Variants in KIAA1217 observed in about 807,000 individuals in gnomAD.
The protein encoded by KIAA1217 is KIAA1217.
KIAA1217 carries 88 observed loss-of-function variants against 163.9 expected under a neutral mutation model. That is an observed-to-expected ratio of 0.54 (90% confidence interval 0.45 to 0.64). The LOEUF (loss-of-function observed/expected upper bound fraction) is 0.64, where lower values mean the gene tolerates loss of function less well. Among genes scored for constraint, KIAA1217 ranks in the 30% least tolerant of loss-of-function variants. KIAA1217 has a pLI of 0.00. For missense variants in KIAA1217, 2,372 were observed against 2,475.0 expected (o/e 0.96, Z 0.88); for synonymous variants, 903 against 923.1 (o/e 0.98, Z 0.39).
chr10:23,800,381 C>T (rs1836413498), intron 1 of KIAA1217, among the ~76,000 whole-genome samples: 1 of 151,950 alleles, frequency 6.6e-6, no homozygotes, highest in African/African-American at 2.4e-5. Context: ...GGTTTAACAC[C>T]ATGAAATGTA....
chr10:23,834,487 G>A (rs770059761), intron 1 of KIAA1217, among the ~76,000 whole-genome samples: 4 of 152,060 alleles, frequency 2.6e-5, no homozygotes, highest in African/African-American at 4.8e-5. Flanking sequence ...CTTCCCTCAT[G>A]AGCTGACATT....
At chr10:24,236,952 C>T (rs879890581) in intron 2 of KIAA1217, among the ~76,000 whole-genome samples, 1 of 152,186 alleles carries the variant, frequency 6.6e-6, no homozygotes, top group African/African-American at 2.4e-5. Flanking sequence ...GCTCCTGGCC[C>T]GTTTTCTACC....
Position 24,028,926 on chromosome 10 carries a change from A to G in KIAA1217, c.-171+21552A>G, listed in dbSNP as rs982887886. ...CCTAAAAAAATTCTGAGTTATAAATATCCCTGGACAATTCTTTCCAGAAAG... is the reference window on the plus strand; with the variant it reads ...CCTAAAAAAATTCTGAGTTATAAATGTCCCTGGACAATTCTTTCCAGAAAG... On this transcript the variant is annotated intron_variant, in intron 2 of 18. Transcript: ENST00000376462. 2.6e-5 allele frequency among the ~76,000 whole-genome samples: 4 copies of G among 152,290 alleles called. 1 individual carries two copies. The highest frequency in any genetic ancestry group is 2.4e-5 in the African/African-American group (1 of 41,570).
chr10:24,269,210 TAAAAAAAAAA>T (rs59746609), intron 2 of KIAA1217, among the ~76,000 whole-genome samples: 2 of 87,080 alleles, frequency 2.3e-5, no homozygotes, highest in Non-Finnish European at 2.4e-5. Flanking sequence ...AAAGTATAAT[TAAAAAAAAAA>T]AAAAAAAAAA....
chr10:24,209,073 G>C (rs2067741612), upstream of KIAA1217: 9 of 733,450 alleles, frequency 1.2e-5, no homozygotes, highest in Non-Finnish European at 1.9e-5. Flanking sequence ...GTTTGGGGTG[G>C]GGTTTCGCAC....
At chr10:24,380,802 T>C in intron 2 of KIAA1217, 67 bp from the exon 3 acceptor site, 1 of 1,181,226 alleles carries the variant, frequency 8.5e-7, no homozygotes, top group Non-Finnish European at 1.2e-6. Flanking sequence ...AGAAATGGCA[T>C]TGGACATATT....
chr10:23,915,222 G>C (rs1427957949), intron 1 of KIAA1217, among the ~76,000 whole-genome samples: 5 of 152,062 alleles, frequency 3.3e-5, no homozygotes, highest in African/African-American at 1.2e-4. Flanking sequence ...AGGTCATGTA[G>C]CTAAGAAAAA....
At chr10:24,385,005 G>T (rs1209794830) in intron 3 of KIAA1217, among the ~76,000 whole-genome samples, 1 of 152,192 alleles carries the variant, frequency 6.6e-6, no homozygotes, top group East Asian at 1.9e-4. Context: ...CCAGCCACGG[G>T]GCCTGGAGTA....
chr10:24,165,778 T>C (rs1191942450), intron 2 of KIAA1217, among the ~76,000 whole-genome samples: 1 of 152,156 alleles, frequency 6.6e-6, no homozygotes, highest in Non-Finnish European at 1.5e-5. Flanking sequence ...ATGAAACTAT[T>C]TCATGTTTTC....
chr10:24,254,078 T>G (rs192539075), intron 2 of KIAA1217, among the ~76,000 whole-genome samples: 1 of 152,342 alleles, frequency 6.6e-6, no homozygotes, highest in Non-Finnish European at 1.5e-5. Context: ...TCTTTGCTTT[T>G]TCATCTGCTC....
chr10:24,533,061 C>A lies in KIAA1217; in HGVS notation c.3247-9C>A, dbSNP rs757734861. On this transcript the variant is annotated splice_polypyrimidine_tract_variant and intron_variant, in intron 15 of 20. Coordinates refer to ENST00000376454, the MANE Select transcript of KIAA1217 (RefSeq NM_019590.5). ...TTAAACCACTATCTGTTGTTTCAAT[C>A]TCCCACAGGCAAGCAGTGAAGATGC... 2 of 1,600,184 alleles carry A rather than the reference C, an allele frequency of 1.2e-6. No individual in the cohort carries two copies. The highest frequency in any genetic ancestry group is 1.7e-6 in the Non-Finnish European group (2 of 1,171,784).
intron 1 of KIAA1217, among the ~76,000 whole-genome samples, chr10:23,829,921 G>A (rs369015830): frequency 4.7e-4 from 71 of 152,300 alleles, no homozygotes; most frequent in African/African-American, 1.7e-3. Flanking sequence ...GAAGAAAAAT[G>A]GTAGGGCTTA....
chr10:24,309,793 A>G (rs7894356), intron 2 of KIAA1217, among the ~76,000 whole-genome samples: 14,646 of 152,142 alleles, frequency 0.096, 1,067 homozygotes, highest in African/African-American at 0.2. Context: ...TCTTGCGTGC[A>G]CCCAGCACAG....
At chr10:24,262,181 A>G (rs911005089) in intron 2 of KIAA1217, among the ~76,000 whole-genome samples, 2 of 152,206 alleles carry the variant, frequency 1.3e-5, no homozygotes, top group East Asian at 3.8e-4. Context: ...TTCAGATGTC[A>G]TCCACATGTC....
intron 2 of KIAA1217, among the ~76,000 whole-genome samples, chr10:24,255,066 G>T (rs2074998845): frequency 6.6e-6 from 1 of 152,064 alleles, no homozygotes; most frequent in Non-Finnish European, 1.5e-5. Flanking sequence ...TGTTGGCCAG[G>T]CTGGTCTCGA....
At chr10:24,073,231 G>A (rs1172640871) in intron 2 of KIAA1217, among the ~76,000 whole-genome samples, 4 of 152,048 alleles carry the variant, frequency 2.6e-5, no homozygotes, top group Non-Finnish European at 4.4e-5. Flanking sequence ...CAGAGCTGAC[G>A]TCTTTAGAAA....
intron 2 of KIAA1217, among the ~76,000 whole-genome samples, chr10:24,163,226 G>C (rs1159012791): frequency 1.3e-5 from 2 of 152,206 alleles, no homozygotes; most frequent in African/African-American, 4.8e-5. Context: ...GCAGTGGCAA[G>C]ACTAGTAGAC....
intron 1 of KIAA1217, among the ~76,000 whole-genome samples, chr10:23,925,024 T>A (rs1842969989): frequency 6.6e-6 from 1 of 152,078 alleles, no homozygotes; most frequent in African/African-American, 2.4e-5. Flanking sequence ...TTTTTCCCAT[T>A]GTACAGAAAG....
intron 2 of KIAA1217, among the ~76,000 whole-genome samples, chr10:24,313,552 T>C (rs1323099538): frequency 1.3e-5 from 2 of 152,204 alleles, no homozygotes; most frequent in Non-Finnish European, 2.9e-5. Context: ...GGAGTTTTTC[T>C]GTATACAGTT....
Sources: gnomAD v4.1 joint callset for allele counts (sites outside exome capture counted in the v4.1 genomes callset) on GRCh38, gnomAD v4.1.1 for gene constraint, MANE v1.5 for transcripts, NCBI Gene and HGNC (gene_info 2026-07-23, HGNC 2026-07-21) for gene names.